Variants in ERBB4 observed in about 807,000 individuals in gnomAD.
The protein encoded by ERBB4 is receptor tyrosine-protein kinase erbB-4.
Under a neutral mutation model 158.0 loss-of-function variants are expected in ERBB4, and 42 were observed. The ratio of observed to expected loss-of-function variants is 0.27; its 90% CI spans 0.21 to 0.34. The LOEUF (loss-of-function observed/expected upper bound fraction) is 0.34. Among genes scored for constraint, ERBB4 ranks in the 10% least tolerant of loss-of-function variants. The probability of loss-of-function intolerance (pLI) is 1.00; values close to 1 mark genes in which losing one functional copy is unlikely to be tolerated. For missense variants in ERBB4, 1,333 were observed against 1,624.1 expected, an observed-to-expected ratio of 0.82 and a Z score of 3.08; for synonymous variants, 583 against 558.7, an observed-to-expected ratio of 1.04 and a Z score of -0.61.
At chr2:211,879,990 AAT>A (rs1184871723) in intron 3 of ERBB4, among the ~76,000 whole-genome samples, 5 of 150,600 alleles carry the variant, frequency 3.3e-5, no homozygotes, top group African/African-American at 1.2e-4. Flanking sequence ...TATTAACAAA[AAT>A]AAATATATAA....
chr2:212,265,354 G>A (rs1320614895), intron 1 of ERBB4, among the ~76,000 whole-genome samples: 2 of 152,032 alleles, frequency 1.3e-5, no homozygotes, highest in African/African-American at 4.8e-5. Flanking sequence ...GTGAATTATT[G>A]TACATGTGTA....
chr2:212,158,323 G>A (rs2081101999), intron 1 of ERBB4, among the ~76,000 whole-genome samples: 1 of 151,878 alleles, frequency 6.6e-6, no homozygotes, highest in Non-Finnish European at 1.5e-5. Context: ...ACCAACTTGT[G>A]AAATGCCCAT....
At chr2:212,481,924 T>C (rs571893940) in intron 1 of ERBB4, among the ~76,000 whole-genome samples, 3 of 152,352 alleles carry the variant, frequency 2.0e-5, no homozygotes, top group African/African-American at 7.2e-5. Context: ...TAGAGAGTTA[T>C]TGCTTTTAAG....
At chr2:212,238,293 G>A (rs992559535) in intron 1 of ERBB4, among the ~76,000 whole-genome samples, 15 of 152,170 alleles carry the variant, frequency 9.9e-5, no homozygotes, top group Admixed American at 5.2e-4. Context: ...CATTCCTCAT[G>A]GCTCAGTCCC....
rs2070067611 is a variant in ERBB4, at chr2:211,630,499, T to A, written c.2042A>T (p.Lys681Ile). ...GAATCTTCTCAAGGCTCTTTTCTTT[T>A]TGATGCTCTTCCTTCTAACATAAAC... Reference protein sequence around the residue: ...FAVYVRRKSIKKKRALRRFLE... With the variant: ...FAVYVRRKSIIKKRALRRFLE... The change falls in exon 17 of 28, where the codon AAA becomes ATA. Residue 681 changes from lysine to isoleucine, a missense_variant. Coordinates refer to ENST00000342788, the MANE Select transcript of ERBB4 (RefSeq NM_005235.3). 6.2e-7 allele frequency: 1 copy of A among 1,613,472 alleles called. No individual in the cohort carries two copies. The highest frequency in any genetic ancestry group is 8.5e-7 in the Non-Finnish European group (1 of 1,179,602).
chr2:212,491,565 G>C (rs1304450601), intron 1 of ERBB4, among the ~76,000 whole-genome samples: 1 of 151,536 alleles, frequency 6.6e-6, no homozygotes, highest in Non-Finnish European at 1.5e-5. Flanking sequence ...GTCTATCTTG[G>C]TAGATATAAT....
chr2:211,574,173 T>G (rs2067824303), intron 19 of ERBB4, among the ~76,000 whole-genome samples: 1 of 152,206 alleles, frequency 6.6e-6, no homozygotes, highest in Admixed American at 6.5e-5. Flanking sequence ...GTGGTCACTT[T>G]GATCTTTTAA....
chr2:212,510,211 A>G (rs1395299734), intron 1 of ERBB4, among the ~76,000 whole-genome samples: 1 of 108,520 alleles, frequency 9.2e-6, no homozygotes, highest in African/African-American at 3.0e-5. Context: ...CACAGTATAT[A>G]TATATATATA....
At chr2:212,385,853 T>C (rs929505224) in intron 1 of ERBB4, among the ~76,000 whole-genome samples, 4 of 151,974 alleles carry the variant, frequency 2.6e-5, no homozygotes, top group Non-Finnish European at 4.4e-5. Flanking sequence ...TATTTTAAAT[T>C]ATTCCATATC....
chr2:212,213,882 A>T (rs866715132), intron 1 of ERBB4, among the ~76,000 whole-genome samples: 2 of 151,812 alleles, frequency 1.3e-5, no homozygotes, highest in South Asian at 2.1e-4. Flanking sequence ...AGGCAATGGG[A>T]GTGGCTTATC....
chr2:212,470,225 A>G (rs1689047568), intron 1 of ERBB4, among the ~76,000 whole-genome samples: 1 of 152,098 alleles, frequency 6.6e-6, no homozygotes, highest in African/African-American at 2.4e-5. Flanking sequence ...TACTGCTTCA[A>G]ATAAAGTAAA....
intron 2 of ERBB4, among the ~76,000 whole-genome samples, chr2:212,075,575 A>G (rs909212487): frequency 2.0e-5 from 3 of 151,902 alleles, no homozygotes; most frequent in Non-Finnish European, 4.4e-5. Context: ...TATCAAAGAA[A>G]TCTTACATAG....
At chr2:211,632,611 TTTTG>T (rs141559404) in intron 16 of ERBB4, among the ~76,000 whole-genome samples, 18,103 of 152,036 alleles carry the variant, frequency 0.12, 1,160 homozygotes, top group African/African-American at 0.18. Context: ...CTATTTTGTT[TTTTG>T]TTTGTTTCTT....
At chr2:212,157,400 T>C (rs2125640565) in intron 1 of ERBB4, among the ~76,000 whole-genome samples, 1 of 152,226 alleles carries the variant, frequency 6.6e-6, no homozygotes, top group East Asian at 1.9e-4. Context: ...TGTTTGTTGT[T>C]GAATTAATTG....
chr2:212,300,009 TC>T (rs1038279365), intron 1 of ERBB4, among the ~76,000 whole-genome samples: 7 of 151,472 alleles, frequency 4.6e-5, no homozygotes, highest in African/African-American at 1.7e-4. Context: ...CATTTTCATT[TC>T]CCCCTCCCTT....
At chr2:212,184,377 T>C (rs1052095201) in intron 1 of ERBB4, among the ~76,000 whole-genome samples, 2 of 152,156 alleles carry the variant, frequency 1.3e-5, no homozygotes, top group African/African-American at 2.4e-5. Flanking sequence ...CTCAAAGGTA[T>C]ACGACACCCT....
At chr2:212,402,951 T>C (rs75353706) in intron 1 of ERBB4, among the ~76,000 whole-genome samples, 2 of 152,094 alleles carry the variant, frequency 1.3e-5, no homozygotes, top group Non-Finnish European at 2.9e-5. Context: ...GTTTCCCATA[T>C]GCAAATAAAT....
chr2:211,674,305 T>C (rs888708841), intron 13 of ERBB4, among the ~76,000 whole-genome samples: 1 of 152,148 alleles, frequency 6.6e-6, no homozygotes, highest in African/African-American at 2.4e-5. Context: ...AAGTGATACA[T>C]TAAAATATAT....
At chr2:211,929,056 T>G (rs1166789196) in intron 3 of ERBB4, among the ~76,000 whole-genome samples, 1 of 152,192 alleles carries the variant, frequency 6.6e-6, no homozygotes, top group South Asian at 2.1e-4. Context: ...AATGAAAATA[T>G]ACCTTCATGG....
Sources: gnomAD v4.1 joint callset for allele counts (sites outside exome capture counted in the v4.1 genomes callset) on GRCh38, gnomAD v4.1.1 for gene constraint, MANE v1.5 for transcripts, NCBI Gene and HGNC (gene_info 2026-07-23, HGNC 2026-07-21) for gene names.